The following EPB41L2 variants were observed in gnomAD, a reference collection of about 807,000 sequenced individuals.
EPB41L2 encodes band 4.1-like protein 2.
A neutral mutation model predicts 113.0 loss-of-function variants in EPB41L2; 43 were observed. The observed-to-expected ratio is 0.38, with a 90% confidence interval of 0.30 to 0.49. The LOEUF is 0.49. EPB41L2 is among the 20% of genes least tolerant of loss of function. The probability of loss-of-function intolerance (pLI) is 0.95; values close to 1 mark genes in which losing one functional copy is unlikely to be tolerated. For synonymous variants in EPB41L2, 442 were observed against 436.7 expected, an observed-to-expected ratio of 1.01 and a Z score of -0.15; for missense variants, 1,147 against 1,223.4, an observed-to-expected ratio of 0.94 and a Z score of 0.93.
At chr6:130,992,394 C>G (rs1239249992) in intron 1 of EPB41L2, among the ~76,000 whole-genome samples, 1 of 152,142 alleles carries the variant, frequency 6.6e-6, no homozygotes, top group Non-Finnish European at 1.5e-5. Context: ...ATCTTACATC[C>G]ATACCCCCCA....
At chr6:130,994,497 G>T (rs1219416914) in intron 1 of EPB41L2, among the ~76,000 whole-genome samples, 1 of 152,124 alleles carries the variant, frequency 6.6e-6, no homozygotes, top group Non-Finnish European at 1.5e-5. Context: ...AACAGCCCCT[G>T]CAGACTGCAT....
chr6:130,992,200 TGTGA>T (rs1025819486), intron 1 of EPB41L2, among the ~76,000 whole-genome samples: 1 of 152,152 alleles, frequency 6.6e-6, no homozygotes, highest in Non-Finnish European at 1.5e-5. Context: ...ATTTGATATG[TGTGA>T]GTGTGATAAG....
intron 1 of EPB41L2, among the ~76,000 whole-genome samples, chr6:130,983,553 T>A (rs958701648): frequency 2.7e-5 from 4 of 149,492 alleles, no homozygotes; most frequent in South Asian, 2.1e-4. Context: ...GAGTCTTGAG[T>A]TCACCTGAAA....
chr6:130,990,805 A>G (rs963850325), intron 1 of EPB41L2, among the ~76,000 whole-genome samples: 4 of 151,158 alleles, frequency 2.6e-5, no homozygotes, highest in African/African-American at 9.7e-5. Context: ...AGGTGCTTAT[A>G]ACCTTATTAA....
chr6:130,880,029 C>T, intron 13 of EPB41L2, 115 bp downstream of exon 13: 1 of 713,834 alleles, frequency 1.4e-6, no homozygotes, highest in Non-Finnish European at 2.4e-6. Flanking sequence ...TGAATTCCCC[C>T]ATGCACTGCA....
At chr6:131,047,647 A>G (rs962046211) in intron 1 of EPB41L2, among the ~76,000 whole-genome samples, 1 of 152,218 alleles carries the variant, frequency 6.6e-6, no homozygotes, top group Admixed American at 6.5e-5. Context: ...ATCAATGTTT[A>G]AGGCATGTAC....
chr6:130,853,691 C>T (rs1382352430), intron 19 of EPB41L2, among the ~76,000 whole-genome samples: 1 of 152,110 alleles, frequency 6.6e-6, no homozygotes, highest in Non-Finnish European at 1.5e-5. Flanking sequence ...TCTGTTTGCT[C>T]TCCCCTCCCC....
At position 130,956,071 on chromosome 6, in the gene EPB41L2, T is replaced by C; in HGVS notation, c.415A>G (p.Ile139Val). ...AEEMAQKKQEIKVEVKEEKPS... is the reference protein window; with the variant it reads ...AEEMAQKKQEVKVEVKEEKPS... ...TTTTCTTCCTTGACTTCAACTTTAA[T>C]CTCTTGTTTCTTCTGAGCCATTTCT... The change falls in exon 2 of 20, where the codon ATT (isoleucine) becomes GTT (valine). Residue 139 changes from isoleucine to valine, a missense_variant. Coordinates refer to ENST00000337057, the MANE Select transcript of EPB41L2 (RefSeq NM_001431.4). The C allele has an allele frequency of 5.6e-6, 9 of 1,614,154 alleles. No homozygotes were observed. The highest frequency in any genetic ancestry group is 7.6e-6 in the Non-Finnish European group (9 of 1,180,044).
At chr6:130,966,483 C>T (rs1305107529) in intron 1 of EPB41L2, among the ~76,000 whole-genome samples, 1 of 151,058 alleles carries the variant, frequency 6.6e-6, no homozygotes, top group South Asian at 2.1e-4. Context: ...GGGAGATACA[C>T]AAATAAAGGA....
intron 1 of EPB41L2, among the ~76,000 whole-genome samples, chr6:130,962,328 T>C (rs1304803445): frequency 6.6e-6 from 1 of 151,974 alleles, no homozygotes; most frequent in Admixed American, 6.6e-5. Context: ...AGAAGAAATA[T>C]CTGGAGAGGA....
intron 1 of EPB41L2, among the ~76,000 whole-genome samples, chr6:130,992,665 T>G (rs1782163706): frequency 6.6e-6 from 1 of 150,770 alleles, no homozygotes; most frequent in African/African-American, 2.5e-5. Context: ...AGAGCCTCGC[T>G]CAGTCGCCAG....
intron 1 of EPB41L2, among the ~76,000 whole-genome samples, chr6:130,981,397 G>A (rs1779351312): frequency 6.6e-6 from 1 of 152,162 alleles, no homozygotes; most frequent in African/African-American, 2.4e-5. Flanking sequence ...ACCTACAACT[G>A]TAGCTCCTAT....
At chr6:130,930,928 A>G (rs1806614891) in intron 3 of EPB41L2, among the ~76,000 whole-genome samples, 1 of 152,186 alleles carries the variant, frequency 6.6e-6, no homozygotes, top group African/African-American at 2.4e-5. Flanking sequence ...TAGAAATGAA[A>G]ACTATAGTAA....
At chr6:131,056,188 T>C (rs1299567338) in intron 1 of EPB41L2, among the ~76,000 whole-genome samples, 1 of 152,244 alleles carries the variant, frequency 6.6e-6, no homozygotes, top group Non-Finnish European at 1.5e-5. Flanking sequence ...TTATAAAGGT[T>C]ACATTTTAAT....
At chr6:131,017,390 G>A (rs1450817894) in intron 1 of EPB41L2, among the ~76,000 whole-genome samples, 1 of 152,060 alleles carries the variant, frequency 6.6e-6, no homozygotes, top group East Asian at 1.9e-4. Flanking sequence ...ATCAGAGTTT[G>A]CACATCTCTC....
chr6:130,884,514 C>T (rs1790311251), intron 12 of EPB41L2, among the ~76,000 whole-genome samples: 1 of 151,930 alleles, frequency 6.6e-6, no homozygotes, highest in Non-Finnish European at 1.5e-5. Context: ...ATGTTACTGC[C>T]CAAGGTAACA....
At chr6:130,938,605 G>A (rs1371249194) in intron 3 of EPB41L2, among the ~76,000 whole-genome samples, 4 of 152,190 alleles carry the variant, frequency 2.6e-5, no homozygotes, top group Non-Finnish European at 5.9e-5. Context: ...CAAAAAGGCT[G>A]TACTACTGGT....
Position 130,894,332 on chromosome 6 carries a change from T to A in EPB41L2, c.1487+12A>T. The A allele has an allele frequency of 6.2e-7, 1 of 1,611,082 alleles. No homozygotes were observed. Among genetic ancestry groups the A allele is most frequent in the African/African-American group, 1.3e-5 (1 of 74,980 alleles). On this transcript the variant is annotated intron_variant, in intron 10 of 19. Coordinates refer to ENST00000337057, the MANE Select transcript of EPB41L2 (RefSeq NM_001431.4). The stretch of plus-strand genomic sequence containing the variant: ...ATCATGCCCGGCTTCCGAGCTGTTT[T>A]CCTAAAATTACCTGTAGAAAGTATG...
chr6:130,894,816 G>T, intron 9 of EPB41L2, 151 bp downstream of exon 9: 1 of 875,296 alleles, frequency 1.1e-6, no homozygotes, highest in Non-Finnish European at 1.6e-6. Flanking sequence ...TATATATACT[G>T]CAATTTTACC....
Sources: allele counts gnomAD v4.1 joint callset (sites outside exome capture counted in the v4.1 genomes callset), GRCh38; gene constraint gnomAD v4.1.1; transcripts MANE v1.5; gene names NCBI Gene and HGNC (gene_info 2026-07-23, HGNC 2026-07-21).